Variants in CLUH observed in about 807,000 individuals in gnomAD.
CLUH encodes the protein clustered mitochondria protein homolog.
A neutral mutation model predicts 139.3 loss-of-function variants in CLUH; 77 were observed. The ratio of observed to expected loss-of-function variants is 0.55; its 90% CI spans 0.46 to 0.67. The LOEUF (loss-of-function observed/expected upper bound fraction) is 0.67. Among genes scored for constraint, CLUH ranks in the 30% least tolerant of loss-of-function variants. The probability of loss-of-function intolerance (pLI) is 0.00; values close to 1 mark genes in which losing one functional copy is unlikely to be tolerated. For synonymous variants in CLUH, 999 were observed against 801.6 expected, an observed-to-expected ratio of 1.25 and a Z score of -4.16; for missense variants, 1,876 against 1,875.8, an observed-to-expected ratio of 1.00 and a Z score of 0.00.
upstream of CLUH, chr17:2,711,928 C>G (rs1003429): frequency 1.3e-5 from 2 of 152,260 alleles, no homozygotes; most frequent in South Asian, 4.1e-4. Flanking sequence ...AGGCAACGCA[C>G]TCTGACTCAA....
rs1427999737 is a variant in CLUH at position 2,701,420 on chromosome 17, G to C, written c.845C>G (p.Ala282Gly). The stretch of plus-strand genomic sequence containing the variant: ...GGTGATGCTGACTTGCCGGTCCTCG[G>C]CTGTGATCACAAACAGGTACATGAG... ...GDLMYLFVIT[A>G]EDRQVSITAS... The change falls in exon 6 of 26, where the codon GCC (alanine) becomes GGC (glycine). Residue 282 changes from alanine (A) to glycine (G), a missense_variant. Transcript: ENST00000651024. The C allele has an allele frequency of 6.2e-7, 1 of 1,612,356 alleles. No individual in the cohort carries two copies. Among genetic ancestry groups the C allele is most frequent in the Non-Finnish European group, 8.5e-7 (1 of 1,179,306 alleles).
intron 1 of CLUH, among the ~76,000 whole-genome samples, chr17:2,708,498 C>T (rs967319240): frequency 6.6e-6 from 1 of 152,042 alleles, no homozygotes; most frequent in African/African-American, 2.4e-5. Context: ...GCCCATCTCA[C>T]CTGAGGAAAC....
rs1259801418 is a variant in CLUH at position 2,691,932 on chromosome 17, CCCCCGCGG to C, written c.3655-45_3655-38del. ...CGGGAAGGGATCAGGCCCCCCCGTGCCCCCGCGGCCCCGCCCCCGCCCCGCCACGCCCC... is the reference window on the plus strand; with the variant it reads ...CGGGAAGGGATCAGGCCCCCCCGTGCCCCCGCCCCCGCCCCGCCACGCCCC... On this transcript the variant is annotated intron_variant, in intron 23 of 25. Coordinates refer to ENST00000651024, the MANE Select transcript of CLUH (RefSeq NM_001366661.1). 297 of 1,129,070 alleles carry C rather than the reference CCCCCGCGG, an allele frequency of 2.6e-4. 3 individuals are homozygous for C. Among genetic ancestry groups the C allele is most frequent in the Middle Eastern group, 3.2e-4 (1 of 3,090 alleles). 69.9% of individuals were successfully genotyped at this position (1,129,070 alleles called of 1,614,324 possible). A position where few individuals can be genotyped will look rare whatever the true frequency, so the allele number is the denominator to read the frequency against.
At chr17:2,690,861 C>T (rs2069598011) in intron 25 of CLUH, 84 bp from the exon 26 acceptor site, 3 of 1,149,182 alleles carry the variant, frequency 2.6e-6, no homozygotes. Flanking sequence ...GTGGGATAAG[C>T]TCAGGCTCTG....
intron 7 of CLUH, 156 bp from the exon 8 acceptor site, chr17:2,700,981 T>C: frequency 6.9e-7 from 1 of 1,442,140 alleles, no homozygotes. Flanking sequence ...CTCCTGCGGC[T>C]GCTGTCTCGG....
rs772118078 is a variant in CLUH, at chr17:2,692,554, C to A, written c.3438+17G>T. 3 of 1,605,922 alleles carry A rather than the reference C, an allele frequency of 1.9e-6. No homozygotes were observed. Among genetic ancestry groups the A allele is most frequent in the Non-Finnish European group, 2.5e-6 (3 of 1,177,150 alleles). The stretch of plus-strand genomic sequence containing the variant: ...GATGGAGCTGGGTCCCTGCCGCCCC[C>A]CCGCCCCAGCACTCACGTCCAGCAG... On this transcript the variant is annotated intron_variant, in intron 21 of 25. Coordinates refer to ENST00000651024, the MANE Select transcript of CLUH (RefSeq NM_001366661.1).
At chr17:2,696,595 C>A in intron 11 of CLUH, 57 bp from the exon 12 acceptor site, 12 of 1,531,832 alleles carry the variant, frequency 7.8e-6, no homozygotes, top group South Asian at 1.2e-5. Flanking sequence ...TGGAGCTGGG[C>A]TGCGCCAAGC....
chr17:2,690,693 C>G lies in CLUH; in HGVS notation c.3948G>C (p.Glu1316Asp). 6.4e-7 allele frequency: 1 copy of G among 1,565,186 alleles called. No homozygotes were observed. Among genetic ancestry groups the G allele is most frequent in the Non-Finnish European group, 8.6e-7 (1 of 1,162,278 alleles). The change falls in exon 26 of 26, where the codon GAG becomes GAC. Residue 1316 changes from glutamate (E) to aspartate (D), a missense_variant. Physicochemically the swap from Glu to Asp is conservative, Grantham distance 45. Around this residue, in one of 3 missense-constraint regions of CLUH, gnomAD observed 1,454 missense variants for 1,384.4 expected, o/e 1.05. Coordinates refer to ENST00000651024, the MANE Select transcript of CLUH (RefSeq NM_001366661.1). ...QEASRNRDRA[E>D]EPMATEPAPA... is the part of the protein sequence containing the mutation. ...GCGCGGGCTCGGTAGCCATGGGCTC[C>G]TCGGCTCTATCCCTGTTTCTGCTGG...
rs1332845950 is a variant in CLUH, at chr17:2,694,007, C to T, written c.3124G>A (p.Glu1042Lys). ...ACGTTGTTAAACAGGTTCAGGGCCTCATTGATGAGCTCACAGCCCTCCTTC... is the reference window on the plus strand; with the variant it reads ...ACGTTGTTAAACAGGTTCAGGGCCTTATTGATGAGCTCACAGCCCTCCTTC... ...FLKEGCELIN[E>K]ALNLFNNVYG... Residue 1042 changes from glutamate to lysine, a missense_variant, in exon 19 of 26, where the codon GAG (glutamate) becomes AAG (lysine). Glu to Lys is a moderately conservative substitution (Grantham distance 56). Transcript: ENST00000651024. 6.2e-7 allele frequency: 1 copy of T among 1,613,910 alleles called. No individual in the cohort carries two copies. Among genetic ancestry groups the T allele is most frequent in the East Asian group, 2.2e-5 (1 of 44,874 alleles).
At position 2,703,352 on chromosome 17, in the gene CLUH, C is replaced by T. The variant is rs533400145; in HGVS notation, c.441G>A (p.Gly147=). ...CACGCAGCACAGAGCCCTCCTGCAG[C>T]CCCTCGACGCTGCGCAGCTCCGAGA... The part of the protein sequence containing the change: ...DHFSELRSVE[G]LQEGSVLRVV... Residue 147 remains glycine (G), a synonymous_variant, in exon 3 of 26, where the codon GGG becomes GGA. Transcript: ENST00000651024. This position sits in a 1 kb window ranked among gnomAD's most constrained non-coding sequence, Gnocchi z 4.2. The T allele has an allele frequency of 5.6e-6, 9 of 1,612,784 alleles. No individual in the cohort carries two copies. The South Asian group carries it at 7.7e-5, about 14-fold the overall frequency.
chr17:2,697,798 A>C (rs2070016806), intron 10 of CLUH, 98 bp downstream of exon 10: 12 of 1,140,618 alleles, frequency 1.1e-5, no homozygotes, highest in Non-Finnish European at 1.3e-5. Context: ...TTCACTCTCC[A>C]GCGCTTCTCC....
rs1567574612 is a variant in CLUH, at chr17:2,691,690, G to GT, written c.3790-9_3790-8insA. 6.2e-7 allele frequency: 1 copy of GT among 1,611,616 alleles called. No individual in the cohort carries two copies. Among genetic ancestry groups the GT allele is most frequent in the African/African-American group, 1.3e-5 (1 of 74,884 alleles). ...CATGCTGGGGGCCGTGAACTGCGGG[G>GT]CGGGGAAACCAGCGGTGAGCGGGGC... On this transcript the variant is annotated splice_polypyrimidine_tract_variant and intron_variant, in intron 24 of 25. Coordinates refer to ENST00000651024, the MANE Select transcript of CLUH (RefSeq NM_001366661.1).
chr17:2,704,218 C>T lies in CLUH; in HGVS notation c.303+144G>A, dbSNP rs2070279463. 7 of 853,006 alleles carry T rather than the reference C, an allele frequency of 8.2e-6. No individual in the cohort carries two copies. The highest frequency in any genetic ancestry group is 1.2e-5 in the Non-Finnish European group (7 of 562,698). The allele number at this position is 853,006 out of a possible 1,614,324, so 52.8% of individuals were successfully genotyped here. ...TCGATTCCCACGTCCACCACGCTAGCTGAGTGACTCTAGGGAGGGCACGGG... is the reference window on the plus strand; with the variant it reads ...TCGATTCCCACGTCCACCACGCTAGTTGAGTGACTCTAGGGAGGGCACGGG... On this transcript the variant is annotated intron_variant, in intron 2 of 25. Transcript: ENST00000651024. This position sits in a 1 kb window ranked among gnomAD's most constrained non-coding sequence, Gnocchi z 5.7.
Position 2,691,914 on chromosome 17 carries a change from G to A in CLUH, c.3655-19C>T. 2.1e-6 allele frequency: 3 copies of A among 1,454,658 alleles called. No homozygotes were observed. The highest frequency in any genetic ancestry group is 2.7e-6 in the Non-Finnish European group (3 of 1,103,236). 90.1% of individuals were successfully genotyped at this position (1,454,658 alleles called of 1,614,324 possible). ...CGCCCAGCTGCGGGGAGGCGGGAAG[G>A]GATCAGGCCCCCCCGTGCCCCCGCG... On this transcript the variant is annotated intron_variant, in intron 23 of 25. Coordinates refer to ENST00000651024, the MANE Select transcript of CLUH (RefSeq NM_001366661.1).
Position 2,707,272 on chromosome 17 carries a change from G to T in CLUH, c.101-2708C>A. ...TCCAGCTCAGCCCCAGCATTGCCCG[G>T]GTTCCTTGTTCCAGCCTCTGCCGCT... On this transcript the variant is annotated intron_variant, in intron 1 of 25. Transcript: ENST00000651024. This position sits in a 1 kb window ranked among gnomAD's most constrained non-coding sequence, Gnocchi z 7.4. 1 of 985,424 alleles carries T rather than the reference G, an allele frequency of 1.0e-6. No homozygotes were observed. Among genetic ancestry groups the T allele is most frequent in the Non-Finnish European group, 1.2e-6 (1 of 829,918 alleles). The allele number at this position is 985,424 out of a possible 1,614,324, so 61.0% of individuals were successfully genotyped here.
intron 13 of CLUH, 107 bp from the exon 14 acceptor site, chr17:2,695,633 GA>G: frequency 7.3e-7 from 1 of 1,364,586 alleles, no homozygotes; most frequent in Non-Finnish European, 9.7e-7. Context: ...GAAGGACCCC[GA>G]AGGCTCCAGC....
chr17:2,701,900 A>C lies in CLUH; in HGVS notation c.619+14T>G. On this transcript the variant is annotated intron_variant, in intron 4 of 25. Transcript: ENST00000651024. ...GCCCTTTGGCCCAATCCCCGGCCCC[A>C]GTGCCTCCCGCACCTCCCAGGTCGC... The C allele has an allele frequency of 6.2e-7, 1 of 1,613,112 alleles. No homozygotes were observed. The highest frequency in any genetic ancestry group is 8.5e-7 in the Non-Finnish European group (1 of 1,179,796).
Position 2,694,858 on chromosome 17 carries a change from A to G in CLUH, c.2851T>C (p.Cys951Arg). 1 of 986,114 alleles carries G rather than the reference A, an allele frequency of 1.0e-6. No homozygotes were observed. The highest frequency in any genetic ancestry group is 2.7e-5 in the Admixed American group (1 of 37,670). 61.1% of individuals were successfully genotyped at this position (986,114 alleles called of 1,614,324 possible). A position where few individuals can be genotyped will look rare whatever the true frequency, so the allele number is the denominator to read the frequency against. ...AKNYFDFDLECETVDQAVETY... is the reference protein window; with the variant it reads ...AKNYFDFDLERETVDQAVETY... ...CCACCGCCCCTGCCCCGCACGCACC[A>G]CTCGAGGTCGAAGTCAAAGTAGTTC... The change falls in exon 16 of 26, where the codon TGT becomes CGT. Residue 951 changes from cysteine (C) to arginine (R), a missense_variant and splice_region_variant. Cys to Arg is a radical substitution (Grantham distance 180, BLOSUM62 -3). Transcript: ENST00000651024.
At chr17:2,697,531 G>A (rs942821147) in intron 10 of CLUH, among the ~76,000 whole-genome samples, 7 of 152,130 alleles carry the variant, frequency 4.6e-5, no homozygotes, top group Non-Finnish European at 1.0e-4. Context: ...TGGGACCTCT[G>A]ACATGGCCAT....
Sources: allele counts gnomAD v4.1 joint callset (sites outside exome capture counted in the v4.1 genomes callset), GRCh38; gene constraint gnomAD v4.1.1; regional missense constraint gnomAD v4.1.1; non-coding constraint Gnocchi (gnomAD v3.1); transcripts MANE v1.5; gene names NCBI Gene and HGNC (gene_info 2026-07-23, HGNC 2026-07-21).